Variants in BEAN1 observed in about 807,000 individuals in gnomAD.
The protein encoded by BEAN1 is brain expressed associated with NEDD4 1.
In BEAN1, 17 loss-of-function variants were observed where a neutral mutation model predicts 17.7. The observed-to-expected ratio is 0.96, with a 90% confidence interval of 0.66 to 1.44. The LOEUF (loss-of-function observed/expected upper bound fraction) is 1.44. Ranked by LOEUF, BEAN1 falls within the 40% of genes most tolerant of loss-of-function variation. The pLI is 0.00. For synonymous variants in BEAN1, 142 were observed against 151.8 expected, an observed-to-expected ratio of 0.94 and a Z score of 0.47; for missense variants, 359 against 374.1, an observed-to-expected ratio of 0.96 and a Z score of 0.33.
intron 2 of BEAN1, among the ~76,000 whole-genome samples, chr16:66,468,404 C>G (rs1429602121): frequency 6.6e-6 from 1 of 152,214 alleles, no homozygotes; most frequent in African/African-American, 2.4e-5. Context: ...AAAGATCTGA[C>G]CTTCCTGGTG....
chr16:66,461,180 G>A (rs1177839037), intron 2 of BEAN1, among the ~76,000 whole-genome samples: 1 of 146,104 alleles, frequency 6.8e-6, no homozygotes, highest in African/African-American at 2.5e-5. Context: ...GGTACAGGGG[G>A]ACAGGGAGAC....
At chr16:66,487,971 TTGA>T (rs1488465035) in intron 4 of BEAN1, among the ~76,000 whole-genome samples, 3 of 152,066 alleles carry the variant, frequency 2.0e-5, no homozygotes, top group Non-Finnish European at 4.4e-5. Context: ...AATCCAACTG[TTGA>T]AGGAGGCTGC....
intron 1 of BEAN1, among the ~76,000 whole-genome samples, chr16:66,432,847 C>T (rs924005242): frequency 1.8e-4 from 27 of 152,200 alleles, no homozygotes; most frequent in Non-Finnish European, 3.2e-4. Context: ...GCCCACCTAG[C>T]TTGCTTCCTC....
chr16:66,488,296 T>G (rs1003212975), intron 4 of BEAN1, among the ~76,000 whole-genome samples: 1 of 151,918 alleles, frequency 6.6e-6, no homozygotes, highest in African/African-American at 2.4e-5. Flanking sequence ...ACAAAGGCCA[T>G]TCTAGGCCTC....
At chr16:66,493,224 G>A (rs1013284142) in exon 5 of BEAN1, 1 of 703,062 alleles carries the variant, frequency 1.4e-6, no homozygotes, top group Non-Finnish European at 2.6e-6. Flanking sequence ...AGCAGGCACA[G>A]CTCAGAGAAA....
rs1484005619 is a variant in BEAN1 at position 66,480,778 on chromosome 16, C to T, written c.633C>T (p.Asp211=). 6.4e-7 allele frequency: 1 copy of T among 1,550,818 alleles called. No individual in the cohort carries two copies. Among genetic ancestry groups the T allele is most frequent in the Non-Finnish European group, 8.7e-7 (1 of 1,146,700 alleles). ...AQGGLHTVSM[D]TLPPYEAVCG... ...GTGGCCTTCACACGGTCTCCATGGACACCCTTCCCCCCTACGAGGCTGTGT... is the reference window on the plus strand; with the variant it reads ...GTGGCCTTCACACGGTCTCCATGGATACCCTTCCCCCCTACGAGGCTGTGT... The change falls in exon 5 of 5, where the codon GAC becomes GAT. Residue 211 remains aspartate, a synonymous_variant. Transcript: ENST00000536005.
At chr16:66,488,500 G>C (rs996075830) in intron 4 of BEAN1, among the ~76,000 whole-genome samples, 1 of 136,006 alleles carries the variant, frequency 7.4e-6, no homozygotes, top group Non-Finnish European at 1.5e-5. Flanking sequence ...GGGCAACATA[G>C]TGAGACCTTA....
chr16:66,459,393 C>A (rs1018557322), intron 2 of BEAN1, among the ~76,000 whole-genome samples: 1 of 152,138 alleles, frequency 6.6e-6, no homozygotes, highest in Non-Finnish European at 1.5e-5. Flanking sequence ...AATCTCAGCT[C>A]ATTGCAACCT....
chr16:66,475,990 G>C (rs1265359655), intron 3 of BEAN1: 1 of 151,944 alleles, frequency 6.6e-6, no homozygotes, highest in Non-Finnish European at 1.5e-5. Flanking sequence ...GGTGCCTGTA[G>C]TCCCAGCTAC....
At chr16:66,431,698 G>T (rs1297699552) in intron 1 of BEAN1, among the ~76,000 whole-genome samples, 2 of 150,712 alleles carry the variant, frequency 1.3e-5, no homozygotes, top group African/African-American at 2.4e-5. Flanking sequence ...AAATAACAGG[G>T]TTTTCCCCCC....
Position 66,452,456 on chromosome 16 carries a change from C to T in BEAN1, c.25+14755C>T, listed in dbSNP as rs144394240. Among the ~76,000 whole-genome samples the T allele has an allele frequency of 3.2e-3, 486 of 152,304 alleles. 5 individuals carry two copies. Among genetic ancestry groups the T allele is most frequent in the African/African-American group, 0.01 (430 of 41,562 alleles). ...GGCCATGCCTTTTGTAGGCCTCTGG[C>T]TTTGGGCCTGGGCAGCATGGTGAAC... is the stretch of plus-strand genomic sequence containing the variant. On this transcript the variant is annotated intron_variant, in intron 2 of 4. Transcript: ENST00000536005.
chr16:66,470,851 G>GAA (rs2041370190), intron 3 of BEAN1, among the ~76,000 whole-genome samples: 1 of 152,208 alleles, frequency 6.6e-6, no homozygotes, highest in African/African-American at 2.4e-5. Context: ...TCAATGGCAG[G>GAA]AAAAAGCCAG....
Position 66,481,477 on chromosome 16 carries a change from G to A in BEAN1, c.*552G>A, listed in dbSNP as rs1442113330. 1.0e-5 allele frequency: 4 copies of A among 381,062 alleles called. No individual in the cohort carries two copies. The highest frequency in any genetic ancestry group is 1.5e-4 in the South Asian group (1 of 6,814). The allele number at this position is 381,062 out of a possible 1,614,324, so 23.6% of individuals were successfully genotyped here. A position where few individuals can be genotyped will look rare whatever the true frequency, so the allele number is the denominator to read the frequency against. ...CCGTTGTGCGCTGTGCCTATCTCTC[G>A]ATTCCAGGGCAGATGAGCCACAACA... On this transcript the variant is annotated 3_prime_UTR_variant, in exon 5 of 5. Coordinates refer to ENST00000536005, the MANE Select transcript of BEAN1 (RefSeq NM_001178020.3). This position sits in a 1 kb window ranked among gnomAD's most constrained non-coding sequence, Gnocchi z 4.1.
At chr16:66,465,607 A>G (rs1963234936) in intron 2 of BEAN1, among the ~76,000 whole-genome samples, 1 of 152,242 alleles carries the variant, frequency 6.6e-6, no homozygotes, top group Admixed American at 6.5e-5. Context: ...ATCCATCTCC[A>G]GAACTCTTCT....
At chr16:66,492,164 CCT>C (rs759358893) in intron 4 of BEAN1, among the ~76,000 whole-genome samples, 19 of 152,054 alleles carry the variant, frequency 1.2e-4, no homozygotes, top group Non-Finnish European at 2.2e-4. Flanking sequence ...GCCTCAGCCC[CCT>C]GAGTAGCTGG....
rs1283697719 is a variant in BEAN1 at position 66,469,587 on chromosome 16, T to C, written c.26-15T>C. 4 of 1,532,472 alleles carry C rather than the reference T, an allele frequency of 2.6e-6. No individual in the cohort carries two copies. Among genetic ancestry groups the C allele is most frequent in the Non-Finnish European group, 3.5e-6 (4 of 1,144,280 alleles). 94.9% of individuals were successfully genotyped at this position (1,532,472 alleles called of 1,614,324 possible). On this transcript the variant is annotated splice_polypyrimidine_tract_variant and intron_variant, in intron 2 of 4. Transcript: ENST00000536005. Reference sequence around the variant, plus strand: ...GCCTGGGCTCCAGCTCAGTGTCCTCTCTCTCTGTCCACAGTAGCACGATAC... The same window carrying C: ...GCCTGGGCTCCAGCTCAGTGTCCTCCCTCTCTGTCCACAGTAGCACGATAC...
rs1350650933 is a variant in BEAN1 at position 66,427,617 on chromosome 16, G to T, written c.-83+186G>T. ...CCGCAGCGCGCTCGGAACGGAGCGG[G>T]ATCCCGGGTCTCCCGCGGACCCTCG... On this transcript the variant is annotated intron_variant, in intron 1 of 4. Coordinates refer to ENST00000536005, the MANE Select transcript of BEAN1 (RefSeq NM_001178020.3). This position sits in a 1 kb window ranked among gnomAD's most constrained non-coding sequence, Gnocchi z 4.7. 2.0e-5 allele frequency: 3 copies of T among 152,106 alleles called. No homozygotes were observed. Among genetic ancestry groups the T allele is most frequent in the African/African-American group, 7.2e-5 (3 of 41,434 alleles). 9.4% of individuals were successfully genotyped at this position (152,106 alleles called of 1,614,324 possible).
intron 2 of BEAN1, among the ~76,000 whole-genome samples, chr16:66,450,002 C>G (rs1299559099): frequency 1.3e-5 from 2 of 152,142 alleles, no homozygotes; most frequent in Admixed American, 1.3e-4. Flanking sequence ...CTTTAAATTC[C>G]TTCAAACTAG....
At chr16:66,476,795 T>C (rs1282088646) in intron 3 of BEAN1, among the ~76,000 whole-genome samples, 5 of 152,230 alleles carry the variant, frequency 3.3e-5, no homozygotes, top group Admixed American at 2.0e-4. Context: ...AGGAAGATTC[T>C]GAGGTCGAAT....
Sources: gnomAD v4.1 joint callset for allele counts (sites outside exome capture counted in the v4.1 genomes callset) on GRCh38, gnomAD v4.1.1 for gene constraint, Gnocchi (gnomAD v3.1) non-coding constraint, MANE v1.5 for transcripts, NCBI Gene and HGNC (gene_info 2026-07-23, HGNC 2026-07-21) for gene names.